The following CC2D2B variants were observed in gnomAD, a reference collection of about 807,000 sequenced individuals.
The protein encoded by CC2D2B is protein CC2D2B.
A neutral mutation model predicts 161.2 loss-of-function variants in CC2D2B; 128 were observed. That is an observed-to-expected ratio of 0.79 (90% CI 0.69 to 0.92). The LOEUF is 0.92. Among genes scored for constraint, CC2D2B ranks in the 40% least tolerant of loss-of-function variants. CC2D2B has a pLI of 0.00. For synonymous variants in CC2D2B, 391 were observed against 449.8 expected (o/e 0.87, Z 1.65); for missense variants, 1,173 against 1,375.1 (o/e 0.85, Z 2.32).
intron 30 of CC2D2B, chr10:96,018,598 A>C (rs1249111990): frequency 6.6e-6 from 1 of 152,290 alleles, no homozygotes; most frequent in Non-Finnish European, 1.5e-5. Context: ...TTGTTAAAAC[A>C]GCAGCTGTGT....
chr10:95,965,400 A>G (rs2076905465), intron 12 of CC2D2B, among the ~76,000 whole-genome samples: 1 of 152,136 alleles, frequency 6.6e-6, no homozygotes, highest in Admixed American at 6.6e-5. Context: ...TAGTAGTAGT[A>G]GCAGCAGCAG....
chr10:95,956,735 TAA>T (rs2141382550), intron 11 of CC2D2B, among the ~76,000 whole-genome samples: 1 of 152,326 alleles, frequency 6.6e-6, no homozygotes, highest in Non-Finnish European at 1.5e-5. Context: ...GTCCCTTGTA[TAA>T]AATGACATAG....
chr10:96,027,433 T>C, intron 34 of CC2D2B, 44 bp downstream of exon 34: 1 of 1,339,492 alleles, frequency 7.5e-7, no homozygotes, highest in Non-Finnish European at 1.0e-6. Flanking sequence ...GTTTTATATA[T>C]GTTGTTAATT....
intron 9 of CC2D2B, among the ~76,000 whole-genome samples, chr10:95,946,067 A>G (rs1210589159): frequency 1.3e-5 from 2 of 152,106 alleles, no homozygotes; most frequent in Non-Finnish European, 2.9e-5. Flanking sequence ...TACAGGCGTG[A>G]GCCACCACGC....
chr10:95,983,736 CAGGTCAATT>C lies in CC2D2B; in HGVS notation c.2216_2224del (p.Gly739_Leu741del), dbSNP rs1334524469. 1 of 1,230,594 alleles carries C rather than the reference CAGGTCAATT, an allele frequency of 8.1e-7. No homozygotes were observed. Among genetic ancestry groups the C allele is most frequent in the East Asian group, 3.2e-5 (1 of 31,646 alleles). The allele number at this position is 1,230,594 out of a possible 1,614,324, so 76.2% of individuals were successfully genotyped here. A position where few individuals can be genotyped will look rare whatever the true frequency, so the allele number is the denominator to read the frequency against. On this transcript the variant is annotated inframe_deletion, in exon 19 of 35. Transcript: ENST00000646931. Reference sequence around the variant, plus strand: ...TTCCAGCTATTGCAACTTAGAAATGCAGGTCAATTAGATAATTTCCTTCTACAGCAAATG... The same window carrying C: ...TTCCAGCTATTGCAACTTAGAAATGCAGATAATTTCCTTCTACAGCAAATG...
At chr10:95,934,768 T>G (rs2075755830) in intron 6 of CC2D2B, among the ~76,000 whole-genome samples, 1 of 152,228 alleles carries the variant, frequency 6.6e-6, no homozygotes. Context: ...CAGTTGGAAA[T>G]GTAGACATCA....
rs2076937547 is a variant in CC2D2B at position 95,966,286 on chromosome 10, T to C, written c.1450T>C (p.Leu484=). The C allele has an allele frequency of 3.4e-6, 4 of 1,176,080 alleles. No individual in the cohort carries two copies. The highest frequency in any genetic ancestry group is 3.2e-6 in the Non-Finnish European group (3 of 937,398). 72.9% of individuals were successfully genotyped at this position (1,176,080 alleles called of 1,614,324 possible). A position where few individuals can be genotyped will look rare whatever the true frequency, so the allele number is the denominator to read the frequency against. ...QLSFTAELTS[L]SKCSLHEQKR... ...TTCTTTCACTGCAGAATTAACAAGC[T>C]TATCCAAGTGTTCCTTGTAAGCATG... The change falls in exon 14 of 35, where the codon TTA becomes CTA. Residue 484 remains leucine, a synonymous_variant. Transcript: ENST00000646931.
chr10:96,012,422 T>C, intron 27 of CC2D2B, 55 bp downstream of exon 27: 1 of 787,234 alleles, frequency 1.3e-6, no homozygotes, highest in African/African-American at 1.7e-5. Context: ...TATGAACTAT[T>C]TTAAAAACCA....
chr10:95,950,598 A>G (rs2076366325), intron 10 of CC2D2B: 1 of 152,182 alleles, frequency 6.6e-6, no homozygotes, highest in Non-Finnish European at 1.5e-5. Flanking sequence ...ACTCTCTGCT[A>G]GTTTTCTGAT....
chr10:95,982,125 C>A lies in CC2D2B; in HGVS notation c.2082+12C>A. The A allele has an allele frequency of 8.2e-7, 1 of 1,212,320 alleles. No homozygotes were observed. The highest frequency in any genetic ancestry group is 3.2e-5 in the East Asian group (1 of 31,530). The allele number at this position is 1,212,320 out of a possible 1,614,324, so 75.1% of individuals were successfully genotyped here. A position where few individuals can be genotyped will look rare whatever the true frequency, so the allele number is the denominator to read the frequency against. On this transcript the variant is annotated intron_variant, in intron 18 of 34. Transcript: ENST00000646931. Reference sequence around the variant, plus strand: ...TGGAATCTGTTACGGTAAGTTAAAGCAAATATCAATACTGTAAACATATTC... The same window carrying A: ...TGGAATCTGTTACGGTAAGTTAAAGAAAATATCAATACTGTAAACATATTC...
intron 22 of CC2D2B, among the ~76,000 whole-genome samples, chr10:95,993,872 T>A (rs868387283): frequency 1.7e-3 from 94 of 54,050 alleles, no homozygotes; most frequent in Admixed American, 2.5e-3. Flanking sequence ...AGAGAGAGAG[T>A]GTATATATAT....
intron 28 of CC2D2B, 37 bp from the exon 29 acceptor site, chr10:96,013,751 T>C: frequency 7.8e-7 from 1 of 1,280,346 alleles, no homozygotes; most frequent in Non-Finnish European, 1.1e-6. Flanking sequence ...GTGATGGACA[T>C]ACAGCACACA....
intron 23 of CC2D2B, 26 bp from the exon 24 acceptor site, chr10:95,996,117 T>C: frequency 2.7e-6 from 3 of 1,119,576 alleles, no homozygotes; most frequent in Non-Finnish European, 3.8e-6. Context: ...TTTCAAAATC[T>C]AGTCAATGTT....
Position 96,031,916 on chromosome 10 carries a change from A to C in CC2D2B, c.4222A>C (p.Thr1408Pro), listed in dbSNP as rs1462736634. ...AATTCACTCTGCTGAATTTCCCCAG[A>C]CAGAATTTGCTTTAGCTGTATACAT... ...TGIHSAEFPQ[T>P]EFALAVYIHP... The change falls in exon 35 of 35, where the codon ACA becomes CCA. Residue 1408 changes from threonine (T) to proline (P), a missense_variant. Thr to Pro is a conservative substitution (Grantham distance 38). This residue lies in a region of CC2D2B where 598 missense variants were observed against 693.2 expected (regional missense o/e 0.86). Transcript: ENST00000646931. 1.2e-6 allele frequency: 2 copies of C among 1,613,708 alleles called. No individual in the cohort carries two copies. Among genetic ancestry groups the C allele is most frequent in the South Asian group, 2.2e-5 (2 of 91,074 alleles).
intron 2 of CC2D2B, chr10:95,921,163 GT>G (rs2098526399): frequency 6.6e-6 from 1 of 152,440 alleles, no homozygotes; most frequent in Non-Finnish European, 1.5e-5. Flanking sequence ...GCCAATGGTG[GT>G]GGGGCTAGCT....
intron 9 of CC2D2B, 115 bp downstream of exon 9, chr10:95,939,040 T>A (rs541172341): frequency 2.1e-6 from 1 of 481,808 alleles, no homozygotes; most frequent in Non-Finnish European, 3.7e-6. Flanking sequence ...ACTAATATAA[T>A]GTCTAAATCA....
chr10:96,032,335 T>A lies in CC2D2B; in HGVS notation c.*327T>A, dbSNP rs185461656. 2 of 231,576 alleles carry A rather than the reference T, an allele frequency of 8.6e-6. No homozygotes were observed. The highest frequency in any genetic ancestry group is 1.8e-4 in the East Asian group (2 of 11,324). The allele number at this position is 231,576 out of a possible 1,614,324, so 14.3% of individuals were successfully genotyped here. ...CTCCTAAGACCAATGTTTCTCAAAT[T>A]GTAGAATTCACACCACCTCCATTTG... is the stretch of plus-strand genomic sequence containing the variant. On this transcript the variant is annotated 3_prime_UTR_variant, in exon 35 of 35. Transcript: ENST00000646931.
chr10:95,989,007 GT>G (rs1353564729), intron 20 of CC2D2B, among the ~76,000 whole-genome samples: 4 of 152,194 alleles, frequency 2.6e-5, no homozygotes, highest in Admixed American at 6.5e-5. Context: ...AGTTGAGGTG[GT>G]TTCTACAACT....
intron 5 of CC2D2B, among the ~76,000 whole-genome samples, chr10:95,925,836 T>G (rs2098537396): frequency 6.6e-6 from 1 of 152,180 alleles, no homozygotes; most frequent in African/African-American, 2.4e-5. Flanking sequence ...GATTTTAGGT[T>G]GATCTTTTAG....
Sources: gnomAD v4.1 joint callset for allele counts (sites outside exome capture counted in the v4.1 genomes callset) on GRCh38, gnomAD v4.1.1 for gene constraint, gnomAD v4.1.1 regional missense constraint, MANE v1.5 for transcripts, NCBI Gene and HGNC (gene_info 2026-07-23, HGNC 2026-07-21) for gene names.